The following PRTFDC1 variants were observed in gnomAD, a reference collection of about 807,000 sequenced individuals.
PRTFDC1 encodes the protein phosphoribosyl transferase domain containing 1, also known as phosphoribosyltransferase domain-containing protein 1.
Under a neutral mutation model 34.6 loss-of-function variants are expected in PRTFDC1, and 38 were observed. That is an observed-to-expected ratio of 1.10 (90% confidence interval 0.85 to 1.44). The LOEUF (loss-of-function observed/expected upper bound fraction) is 1.44. Ranked by LOEUF, PRTFDC1 falls within the 40% of genes most tolerant of loss-of-function variation. The probability of loss-of-function intolerance (pLI) is 0.00; values close to 1 mark genes in which losing one functional copy is unlikely to be tolerated. For synonymous variants in PRTFDC1, 93 were observed against 98.1 expected, an observed-to-expected ratio of 0.95 and a Z score of 0.31; for missense variants, 270 against 283.0, an observed-to-expected ratio of 0.95 and a Z score of 0.33.
At chr10:24,908,245 T>C (rs759777834) in intron 3 of PRTFDC1, 1 of 420,226 alleles carries the variant, frequency 2.4e-6, no homozygotes, top group African/African-American at 2.0e-5. Context: ...TTGCGTTGAA[T>C]TGAACATGTC....
intron 3 of PRTFDC1, among the ~76,000 whole-genome samples, chr10:24,905,318 T>C (rs1221868350): frequency 0.066 from 18 of 272 alleles, no homozygotes; most frequent in African/African-American, 0.19. Flanking sequence ...GTCTCAAGAA[T>C]TTTTTTTTTT....
intron 3 of PRTFDC1, among the ~76,000 whole-genome samples, chr10:24,883,017 A>G (rs1429607428): frequency 6.7e-6 from 1 of 148,912 alleles, no homozygotes; most frequent in Non-Finnish European, 1.5e-5. Flanking sequence ...ATGTAATTAC[A>G]TATATACAAA....
intron 6 of PRTFDC1, among the ~76,000 whole-genome samples, chr10:24,855,869 T>A (rs1484142177): frequency 2.0e-4 from 30 of 152,074 alleles, no homozygotes; most frequent in Admixed American, 2.0e-3. Flanking sequence ...ATGCTTGTAA[T>A]TCCAGCACTT....
chr10:24,912,040 G>A (rs561673484), intron 3 of PRTFDC1, among the ~76,000 whole-genome samples: 66 of 151,842 alleles, frequency 4.3e-4, no homozygotes, highest in Admixed American at 7.9e-4. Context: ...AGGCTGAGGC[G>A]GGTGGATCAC....
chr10:24,922,437 G>C (rs1450192934), intron 3 of PRTFDC1, among the ~76,000 whole-genome samples: 1 of 152,220 alleles, frequency 6.6e-6, no homozygotes, highest in Non-Finnish European at 1.5e-5. Flanking sequence ...TGTGTCATGG[G>C]AGGGACCCTG....
At chr10:24,863,499 A>T (rs1474747656) in intron 4 of PRTFDC1, among the ~76,000 whole-genome samples, 2 of 152,178 alleles carry the variant, frequency 1.3e-5, no homozygotes, top group Admixed American at 1.3e-4. Context: ...CAAGGAGATT[A>T]TTTTCATGCC....
chr10:24,941,061 T>TG (rs372267534), intron 2 of PRTFDC1, among the ~76,000 whole-genome samples: 7,377 of 149,956 alleles, frequency 0.049, 335 homozygotes, highest in African/African-American at 0.13. Context: ...TGTGTGTGTG[T>TG]TTGTGTGTTT....
intron 3 of PRTFDC1, among the ~76,000 whole-genome samples, chr10:24,934,335 C>T (rs1411634769): frequency 1.3e-5 from 2 of 152,124 alleles, no homozygotes; most frequent in African/African-American, 4.8e-5. Flanking sequence ...TCTAAGCCCC[C>T]CAGCTGTGGG....
chr10:24,933,630 G>A (rs1460741677), intron 3 of PRTFDC1, among the ~76,000 whole-genome samples: 1 of 150,560 alleles, frequency 6.6e-6, no homozygotes, highest in East Asian at 1.9e-4. Flanking sequence ...GGAGTAACAG[G>A]AACTGTCACA....
chr10:24,859,477 CT>C (rs979062906), intron 4 of PRTFDC1, among the ~76,000 whole-genome samples: 3 of 152,178 alleles, frequency 2.0e-5, no homozygotes, highest in African/African-American at 7.2e-5. Context: ...CCAGGCTGAG[CT>C]CAAGTGATCT....
intron 8 of PRTFDC1, 31 bp downstream of exon 8, chr10:24,851,357 G>A (rs1847485382): frequency 1.3e-6 from 2 of 1,587,182 alleles, no homozygotes; most frequent in East Asian, 4.5e-5. Flanking sequence ...CTTATAAAAA[G>A]GGCGGTTAGG....
chr10:24,877,275 T>A (rs1279392309), intron 3 of PRTFDC1, among the ~76,000 whole-genome samples: 1 of 152,146 alleles, frequency 6.6e-6, no homozygotes, highest in Admixed American at 6.5e-5. Flanking sequence ...GCTACAGTGA[T>A]CCTCCTGCCT....
intron 3 of PRTFDC1, among the ~76,000 whole-genome samples, chr10:24,884,971 G>A (rs140709951): frequency 0.02 from 3,096 of 152,300 alleles, 59 homozygotes; most frequent in South Asian, 0.032. Flanking sequence ...CCAGGGTGCA[G>A]GAGGGTCCTG....
chr10:24,923,547 C>G (rs1320889236), intron 3 of PRTFDC1, among the ~76,000 whole-genome samples: 1 of 152,172 alleles, frequency 6.6e-6, no homozygotes, highest in Non-Finnish European at 1.5e-5. Flanking sequence ...ACTAAACAGA[C>G]CCGCAGCTGA....
intron 3 of PRTFDC1, among the ~76,000 whole-genome samples, chr10:24,880,461 T>G (rs1262286356): frequency 6.6e-6 from 1 of 152,184 alleles, no homozygotes; most frequent in Admixed American, 6.5e-5. Flanking sequence ...TTTCACCATG[T>G]CTTTAGTCTT....
chr10:24,871,965 C>T (rs780534820), intron 4 of PRTFDC1, 33 bp downstream of exon 4: 3 of 1,571,996 alleles, frequency 1.9e-6, no homozygotes, highest in Non-Finnish European at 2.6e-6. Context: ...CCCCAGACCT[C>T]AATGCGGTCT....
chr10:24,921,766 C>T (rs1202826089), intron 3 of PRTFDC1, among the ~76,000 whole-genome samples: 1 of 150,996 alleles, frequency 6.6e-6, no homozygotes, highest in Non-Finnish European at 1.5e-5. Flanking sequence ...AACTGTCCTC[C>T]TCCAAATGAA....
intron 4 of PRTFDC1, among the ~76,000 whole-genome samples, chr10:24,870,001 T>C (rs1435324344): frequency 6.6e-6 from 1 of 152,258 alleles, no homozygotes; most frequent in African/African-American, 2.4e-5. Flanking sequence ...GCCCACTTCA[T>C]GCTGACTTCC....
chr10:24,850,283 T>G (rs553440263), intron 8 of PRTFDC1, among the ~76,000 whole-genome samples: 1 of 152,100 alleles, frequency 6.6e-6, no homozygotes, highest in South Asian at 2.1e-4. Flanking sequence ...AAGCAAAGGG[T>G]TAGGAATATT....
Sources: gnomAD v4.1 joint callset for allele counts (sites outside exome capture counted in the v4.1 genomes callset) on GRCh38, gnomAD v4.1.1 for gene constraint, MANE v1.5 for transcripts, NCBI Gene and HGNC (gene_info 2026-07-23, HGNC 2026-07-21) for gene names.